The following RAB7A variants were observed in gnomAD, a reference collection of about 807,000 sequenced individuals.
RAB7A encodes ras-related protein Rab-7a.
RAB7A carries 2 observed loss-of-function variants against 24.5 expected under a neutral mutation model. That is an observed-to-expected ratio of 0.08 (90% CI 0.03 to 0.26). RAB7A has a LOEUF of 0.26. Among genes scored for constraint, RAB7A ranks in the 10% least tolerant of loss-of-function variants. RAB7A has a pLI of 1.00. For synonymous variants in RAB7A, 100 were observed against 95.9 expected, an observed-to-expected ratio of 1.04 and a Z score of -0.25; for missense variants, 118 against 255.7, an observed-to-expected ratio of 0.46 and a Z score of 3.67.
intron 1 of RAB7A, among the ~76,000 whole-genome samples, chr3:128,743,472 C>T (rs1225382325): frequency 4.6e-5 from 7 of 152,232 alleles, no homozygotes; most frequent in Non-Finnish European, 7.3e-5. Flanking sequence ...CATGTTGTCA[C>T]CTCTCACTGG....
At chr3:128,740,053 C>G (rs749734797) in intron 1 of RAB7A, among the ~76,000 whole-genome samples, 8 of 146,544 alleles carry the variant, frequency 5.5e-5, no homozygotes, top group Non-Finnish European at 9.0e-5. Flanking sequence ...ACAACAAGAG[C>G]GAAACTCCAT....
In RAB7A at chr3:128,795,434, G is replaced by T. The variant is rs779402683; in HGVS notation, c.53+14G>T. On this transcript the variant is annotated intron_variant, in intron 2 of 5. Coordinates refer to ENST00000265062, the MANE Select transcript of RAB7A (RefSeq NM_004637.6). Reference sequence around the variant, plus strand: ...GGGAGATTCTGGGTAAGTTACTCATGAATTTGAGCTAACAGATTGGCTTAG... The same window carrying T: ...GGGAGATTCTGGGTAAGTTACTCATTAATTTGAGCTAACAGATTGGCTTAG... The T allele has an allele frequency of 3.4e-5, 54 of 1,606,710 alleles. 1 individual carries two copies. The highest frequency in any genetic ancestry group is 3.3e-4 in the Middle Eastern group (2 of 6,076).
chr3:128,775,486 A>G (rs952700641), intron 1 of RAB7A, among the ~76,000 whole-genome samples: 19 of 151,504 alleles, frequency 1.3e-4, no homozygotes, highest in South Asian at 6.3e-4. Flanking sequence ...TGATTTGAGA[A>G]CTCTGGGGCT....
intron 1 of RAB7A, among the ~76,000 whole-genome samples, chr3:128,783,035 A>C (rs1933254920): frequency 6.6e-6 from 1 of 152,190 alleles, no homozygotes; most frequent in Non-Finnish European, 1.5e-5. Flanking sequence ...TGACCCAAAA[A>C]TGTATATCTA....
chr3:128,752,099 T>C (rs1348097671), intron 1 of RAB7A, among the ~76,000 whole-genome samples: 3 of 148,948 alleles, frequency 2.0e-5, no homozygotes, highest in African/African-American at 7.7e-5. Context: ...TATGTCTTTA[T>C]CATCAGCATG....
intron 1 of RAB7A, among the ~76,000 whole-genome samples, chr3:128,747,809 C>A (rs2070633123): frequency 6.6e-6 from 1 of 151,092 alleles, no homozygotes. Context: ...ACTCTGTCTC[C>A]CAGGCTAGAG....
intron 1 of RAB7A, among the ~76,000 whole-genome samples, chr3:128,730,973 C>T (rs2070430566): frequency 6.6e-6 from 1 of 152,200 alleles, no homozygotes; most frequent in East Asian, 1.9e-4. Flanking sequence ...TTTAGGAATT[C>T]TCCAGCCTTG....
chr3:128,777,443 C>T (rs1460481333), intron 1 of RAB7A, among the ~76,000 whole-genome samples: 1 of 152,074 alleles, frequency 6.6e-6, no homozygotes, highest in African/African-American at 2.4e-5. Flanking sequence ...TTCAAGCAGT[C>T]CTCGCAATGT....
intron 1 of RAB7A, among the ~76,000 whole-genome samples, chr3:128,740,506 G>T (rs1384150809): frequency 6.6e-6 from 1 of 152,116 alleles, no homozygotes; most frequent in Admixed American, 6.6e-5. Flanking sequence ...TGTAGTTTGA[G>T]AATTTCATTT....
intron 1 of RAB7A, among the ~76,000 whole-genome samples, chr3:128,726,792 G>T (rs2070385036): frequency 6.6e-6 from 1 of 152,212 alleles, no homozygotes; most frequent in Non-Finnish European, 1.5e-5. Flanking sequence ...TGGGGGCCGA[G>T]CCGCGTTCCC....
intron 1 of RAB7A, among the ~76,000 whole-genome samples, chr3:128,785,884 T>C (rs1350607129): frequency 3.9e-5 from 6 of 152,172 alleles, no homozygotes; most frequent in Non-Finnish European, 8.8e-5. Flanking sequence ...AAGGCTTCTG[T>C]CTTTTCCTAC....
chr3:128,780,367 G>A (rs35214740), intron 1 of RAB7A, among the ~76,000 whole-genome samples: 15,556 of 152,166 alleles, frequency 0.1, 888 homozygotes, highest in South Asian at 0.19. Context: ...CTGTGGAGGC[G>A]GTTTCAGAAT....
chr3:128,793,262 C>CCG (rs1559794104), intron 1 of RAB7A, among the ~76,000 whole-genome samples: 1 of 148,586 alleles, frequency 6.7e-6, no homozygotes. Context: ...ATCTCATGAT[C>CCG]CGCCCGCCTT....
intron 5 of RAB7A, among the ~76,000 whole-genome samples, chr3:128,808,745 G>A (rs901472353): frequency 3.3e-5 from 5 of 152,138 alleles, no homozygotes; most frequent in African/African-American, 9.7e-5. Context: ...AGGTTTGGGA[G>A]GATGCATAGA....
chr3:128,791,730 G>A (rs1368684835), intron 1 of RAB7A, among the ~76,000 whole-genome samples: 1 of 152,150 alleles, frequency 6.6e-6, no homozygotes, highest in Admixed American at 6.5e-5. Context: ...ATGTCCTTAT[G>A]GGGAGCCTAA....
At chr3:128,777,112 T>G (rs1933113344) in intron 1 of RAB7A, among the ~76,000 whole-genome samples, 1 of 152,242 alleles carries the variant, frequency 6.6e-6, no homozygotes. Flanking sequence ...GTTTAGGGTA[T>G]TAAGCCCTTA....
chr3:128,813,592 C>T lies in RAB7A; in HGVS notation c.*170C>T. On this transcript the variant is annotated 3_prime_UTR_variant, in exon 6 of 6. Coordinates refer to ENST00000265062, the MANE Select transcript of RAB7A (RefSeq NM_004637.6). ...TTACACCCCACATATCTCTCACACA[C>T]ACACACACACGCACACACACACACA... is the stretch of plus-strand genomic sequence containing the variant. The T allele has an allele frequency of 3.3e-6, 2 of 605,244 alleles. No homozygotes were observed. Among genetic ancestry groups the T allele is most frequent in the South Asian group, 1.6e-5 (1 of 63,120 alleles). 37.5% of individuals were successfully genotyped at this position (605,244 alleles called of 1,614,324 possible).
At chr3:128,727,730 A>T (rs2070394845) in intron 1 of RAB7A, among the ~76,000 whole-genome samples, 1 of 152,216 alleles carries the variant, frequency 6.6e-6, no homozygotes. Context: ...TTCCTAAAGA[A>T]CGGACTCTTG....
chr3:128,726,987 A>T (rs1401212705), intron 1 of RAB7A, among the ~76,000 whole-genome samples: 1 of 152,210 alleles, frequency 6.6e-6, no homozygotes, highest in Non-Finnish European at 1.5e-5. Context: ...ATCCTGAGAG[A>T]AGTTTTTCAA....
Sources: allele counts gnomAD v4.1 joint callset (sites outside exome capture counted in the v4.1 genomes callset), GRCh38; gene constraint gnomAD v4.1.1; transcripts MANE v1.5; gene names NCBI Gene and HGNC (gene_info 2026-07-23, HGNC 2026-07-21).